The following KLF13 variants were observed in gnomAD, a reference collection of about 807,000 sequenced individuals.
The protein encoded by KLF13 is KLF transcription factor 13, also known as Krueppel-like factor 13.
A neutral mutation model predicts 16.7 loss-of-function variants in KLF13; 8 were observed. The ratio of observed to expected loss-of-function variants is 0.48; its 90% CI spans 0.28 to 0.87. The LOEUF is 0.87. Among genes scored for constraint, KLF13 ranks in the 40% least tolerant of loss-of-function variants. The pLI, the probability that KLF13 is intolerant of heterozygous loss-of-function variation, is 0.10. For synonymous variants in KLF13, 245 were observed against 208.4 expected (o/e 1.18, Z -1.51); for missense variants, 447 against 452.2 (o/e 0.99, Z 0.10).
intron 1 of KLF13, among the ~76,000 whole-genome samples, chr15:31,337,578 C>CT (rs1200193364): frequency 6.6e-6 from 1 of 152,184 alleles, no homozygotes; most frequent in Non-Finnish European, 1.5e-5. Context: ...CTATGCACAC[C>CT]TAAATGGCAT....
chr15:31,349,943 C>T (rs2039190327), intron 1 of KLF13, among the ~76,000 whole-genome samples: 1 of 152,206 alleles, frequency 6.6e-6, no homozygotes, highest in Admixed American at 6.5e-5. Context: ...GTGTTCTTGG[C>T]GGAACCAAAA....
chr15:31,405,305 C>A (rs1406454109), downstream of KLF13, among the ~76,000 whole-genome samples: 1 of 152,178 alleles, frequency 6.6e-6, no homozygotes, highest in Admixed American at 6.5e-5. Flanking sequence ...CAAAACGAGA[C>A]TCCGTCTCAA....
chr15:31,405,081 A>G (rs75356640), downstream of KLF13, among the ~76,000 whole-genome samples: 9,460 of 152,220 alleles, frequency 0.062, 453 homozygotes, highest in Non-Finnish European at 0.087. Flanking sequence ...CCCCACTGTG[A>G]TGGTATTAGG....
chr15:31,415,565 G>A (rs931383414), intron 1 of KLF13, among the ~76,000 whole-genome samples: 5 of 152,064 alleles, frequency 3.3e-5, no homozygotes, highest in African/African-American at 1.2e-4. Flanking sequence ...AAATAAAAAG[G>A]GAAGTCAGAA....
At chr15:31,434,435 C>A (rs967025480) in intron 1 of KLF13, among the ~76,000 whole-genome samples, 5 of 152,108 alleles carry the variant, frequency 3.3e-5, no homozygotes, top group East Asian at 1.9e-4. Flanking sequence ...ACAGTACCCC[C>A]CAAGGGAGGT....
chr15:31,330,675 A>G (rs756801213), intron 1 of KLF13, among the ~76,000 whole-genome samples: 2 of 152,256 alleles, frequency 1.3e-5, no homozygotes, highest in Non-Finnish European at 2.9e-5. Context: ...TTAGCTGTGT[A>G]GCAGTGTGGT....
intron 1 of KLF13, among the ~76,000 whole-genome samples, chr15:31,328,513 A>C (rs1284091175): frequency 1.3e-5 from 2 of 151,638 alleles, no homozygotes; most frequent in Non-Finnish European, 2.9e-5. Context: ...CTCGGCCTCG[A>C]GGCTCTCTCC....
At chr15:31,351,788 G>T (rs1029002624) in intron 1 of KLF13, among the ~76,000 whole-genome samples, 2 of 121,702 alleles carry the variant, frequency 1.6e-5, no homozygotes, top group Non-Finnish European at 4.0e-5. Flanking sequence ...GAGGTGGGCA[G>T]ATCTTGAGGT....
chr15:31,361,271 G>C (rs1000086185), intron 1 of KLF13, among the ~76,000 whole-genome samples: 28 of 152,258 alleles, frequency 1.8e-4, no homozygotes, highest in African/African-American at 6.7e-4. Context: ...GTTCCATGCT[G>C]GGGAGGGGCT....
At chr15:31,342,630 C>T (rs1299176475) in intron 1 of KLF13, among the ~76,000 whole-genome samples, 3 of 152,218 alleles carry the variant, frequency 2.0e-5, no homozygotes, top group Admixed American at 6.5e-5. Flanking sequence ...CGCTCGTTTC[C>T]ACAGGCATTC....
At chr15:31,433,543 C>A (rs2040496500) in intron 1 of KLF13, among the ~76,000 whole-genome samples, 1 of 152,164 alleles carries the variant, frequency 6.6e-6, no homozygotes, top group African/African-American at 2.4e-5. Flanking sequence ...GCACCCTGTA[C>A]ATGCGATCAG....
chr15:31,367,605 G>C (rs1367909368), intron 1 of KLF13, among the ~76,000 whole-genome samples: 5 of 152,204 alleles, frequency 3.3e-5, no homozygotes, highest in African/African-American at 4.8e-5. Flanking sequence ...AAAGGACAAG[G>C]CTCCTCACAA....
At chr15:31,334,450 G>A (rs1321511761) in intron 1 of KLF13, among the ~76,000 whole-genome samples, 2 of 150,422 alleles carry the variant, frequency 1.3e-5, no homozygotes, top group Non-Finnish European at 3.0e-5. Flanking sequence ...TTTTTGAGAC[G>A]AAGTCTTGCT....
chr15:31,387,741 G>A (rs1177177110), intron 1 of KLF13, among the ~76,000 whole-genome samples: 1 of 152,222 alleles, frequency 6.6e-6, no homozygotes, highest in Non-Finnish European at 1.5e-5. Flanking sequence ...CATGTTATCA[G>A]GGCTTGGCCA....
chr15:31,327,782 T>A lies in KLF13; in HGVS notation c.570T>A (p.Thr190=). Reference sequence around the variant, plus strand: ...CGCACCTCAAGGCGCACCTGAGAACTCACACAGGTCAGTGGGGCGGCGCGG... The same window carrying A: ...CGCACCTCAAGGCGCACCTGAGAACACACACAGGTCAGTGGGGCGGCGCGG... ...KSSHLKAHLR[T]HTGERPFACS... Residue 190 remains threonine, a synonymous_variant, in exon 1 of 2, where the codon ACT becomes ACA. Coordinates refer to ENST00000307145, the MANE Select transcript of KLF13 (RefSeq NM_015995.4). The A allele has an allele frequency of 6.6e-7, 1 of 1,522,696 alleles. No homozygotes were observed. Among genetic ancestry groups the A allele is most frequent in the Non-Finnish European group, 8.8e-7 (1 of 1,130,030 alleles). The allele number at this position is 1,522,696 out of a possible 1,614,324, so 94.3% of individuals were successfully genotyped here.
intron 1 of KLF13, among the ~76,000 whole-genome samples, chr15:31,349,781 C>T (rs1167434477): frequency 6.6e-6 from 1 of 152,194 alleles, no homozygotes; most frequent in Non-Finnish European, 1.5e-5. Context: ...GCCTGTTTCT[C>T]CTGGGCCTGG....
rs536036533 is a variant in KLF13, at chr15:31,339,264, A to T, written c.577+11475A>T. On this transcript the variant is annotated intron_variant, in intron 1 of 1. Transcript: ENST00000307145. Reference sequence around the variant, plus strand: ...TTTCTATTTTGATTTTTTTTTTTTTAAATTAGCAAGAATGACTAAGATACC... The same window carrying T: ...TTTCTATTTTGATTTTTTTTTTTTTTAATTAGCAAGAATGACTAAGATACC... Among the ~76,000 whole-genome samples the T allele has an allele frequency of 1.7e-4, 26 of 150,992 alleles. 1 individual carries two copies. Among genetic ancestry groups the T allele is most frequent in the Admixed American group, 5.9e-4 (9 of 15,224 alleles).
downstream of KLF13, among the ~76,000 whole-genome samples, chr15:31,408,518 A>G (rs1163094112): frequency 6.6e-6 from 1 of 152,246 alleles, no homozygotes; most frequent in Admixed American, 6.5e-5. Context: ...AGTCTGTTAT[A>G]TAATGAGAAT....
chr15:31,393,844 A>G (rs1389677308), intron 2 of KLF13, among the ~76,000 whole-genome samples: 1 of 152,136 alleles, frequency 6.6e-6, no homozygotes, highest in African/African-American at 2.4e-5. Context: ...AGAGTCAAGG[A>G]CATGCTGCCT....
Sources: allele counts gnomAD v4.1 joint callset (sites outside exome capture counted in the v4.1 genomes callset), GRCh38; gene constraint gnomAD v4.1.1; transcripts MANE v1.5; gene names NCBI Gene and HGNC (gene_info 2026-07-23, HGNC 2026-07-21).